Variants in CACNA1E observed in about 807,000 individuals in gnomAD.
The protein encoded by CACNA1E is voltage-dependent R-type calcium channel subunit alpha-1E.
A neutral mutation model predicts 259.2 loss-of-function variants in CACNA1E; 40 were observed. The ratio of observed to expected loss-of-function variants is 0.15; its 90% CI spans 0.12 to 0.20. CACNA1E has a LOEUF of 0.20. Ranked by LOEUF, CACNA1E falls within the 10% of genes least tolerant of loss-of-function variation. CACNA1E has a pLI of 1.00. For synonymous variants in CACNA1E, 1,104 were observed against 1,138.5 expected, an observed-to-expected ratio of 0.97 and a Z score of 0.61; for missense variants, 1,874 against 3,040.1, an observed-to-expected ratio of 0.62 and a Z score of 9.02.
At chr1:181,549,442 GAAGT>G (rs975655982) in intron 3 of CACNA1E, among the ~76,000 whole-genome samples, 5 of 152,212 alleles carry the variant, frequency 3.3e-5, no homozygotes, top group Non-Finnish European at 5.9e-5. Flanking sequence ...TTTGGAAAGA[GAAGT>G]AAGAGAATAG....
chr1:181,450,454 G>T (rs1377426702), intron 2 of CACNA1E, among the ~76,000 whole-genome samples: 1 of 152,028 alleles, frequency 6.6e-6, no homozygotes, highest in East Asian at 1.9e-4. Flanking sequence ...GTATGTGTGT[G>T]TGTGTGTTTG....
intron 2 of CACNA1E, among the ~76,000 whole-genome samples, chr1:181,448,124 G>A (rs1020639028): frequency 6.6e-6 from 1 of 152,228 alleles, no homozygotes; most frequent in Non-Finnish European, 1.5e-5. Context: ...AGGTTCTGGG[G>A]ATTATGATGT....
chr1:181,431,623 C>T (rs1027738091), intron 2 of CACNA1E, among the ~76,000 whole-genome samples: 1 of 152,184 alleles, frequency 6.6e-6, no homozygotes, highest in Non-Finnish European at 1.5e-5. Flanking sequence ...CTGCTCCAAG[C>T]CACAGGGAAA....
intron 22 of CACNA1E, among the ~76,000 whole-genome samples, chr1:181,737,128 A>G (rs1438417840): frequency 6.6e-6 from 1 of 152,206 alleles, no homozygotes; most frequent in East Asian, 1.9e-4. Flanking sequence ...GAATTTTAGA[A>G]TCAAGATCTC....
At chr1:181,795,654 A>T (rs1377113998) in intron 46 of CACNA1E, among the ~76,000 whole-genome samples, 1 of 151,374 alleles carries the variant, frequency 6.6e-6, no homozygotes, top group African/African-American at 2.4e-5. Flanking sequence ...GTTAGCCAGG[A>T]TGGTCTCAAT....
chr1:181,794,988 G>A lies in CACNA1E; in HGVS notation c.6152G>A (p.Arg2051His), dbSNP rs1661665681. 6.2e-7 allele frequency: 1 copy of A among 1,613,968 alleles called. No homozygotes were observed. Among genetic ancestry groups the A allele is most frequent in the African/African-American group, 1.3e-5 (1 of 75,034 alleles). ...RSSENTYKSR[R>H]RSYHSSLRLS... ...AGTGAAAATACCTACAAGTCCCGTCGCCGGAGTTACCACTCCTCCTTGCGG... is the reference window on the plus strand; with the variant it reads ...AGTGAAAATACCTACAAGTCCCGTCACCGGAGTTACCACTCCTCCTTGCGG... The change falls in exon 46 of 48, where the codon CGC becomes CAC. Residue 2051 changes from arginine (R) to histidine (H), a missense_variant. Transcript: ENST00000367573.
intron 6 of CACNA1E, among the ~76,000 whole-genome samples, chr1:181,650,625 T>C (rs753054426): frequency 6.6e-6 from 1 of 152,234 alleles, no homozygotes; most frequent in Non-Finnish European, 1.5e-5. Context: ...TCATGAGATA[T>C]AATTCTTCCT....
chr1:181,616,741 A>AC (rs1186884426), intron 6 of CACNA1E, among the ~76,000 whole-genome samples: 2 of 152,148 alleles, frequency 1.3e-5, no homozygotes, highest in Non-Finnish European at 1.5e-5. Context: ...AAACAAACAA[A>AC]AAAAAAGGAG....
At position 181,413,934 on chromosome 1, in the gene CACNA1E, T is replaced by G. The variant is rs144583953; in HGVS notation, c.434+354T>G. On this transcript the variant is annotated intron_variant, in intron 2 of 11. Coordinates refer to the CACNA1E transcript ENST00000524607. The stretch of plus-strand genomic sequence containing the variant: ...AAGCCAGGGAGAATCCTTCACAACG[T>G]GGATCATCTATTTCATCTTTACTTC... 3.9e-5 allele frequency among the ~76,000 whole-genome samples: 6 copies of G among 152,360 alleles called. No homozygotes were observed. In the East Asian group the frequency reaches 1.2e-3, roughly 29 times the overall value.
intron 25 of CACNA1E, among the ~76,000 whole-genome samples, chr1:181,746,890 A>G (rs995717987): frequency 1.6e-4 from 24 of 152,280 alleles, no homozygotes; most frequent in Admixed American, 3.9e-4. Context: ...ACTATTATTA[A>G]CCGCCTTAAC....
Position 181,400,726 on chromosome 1 carries a change from G to T in CACNA1E, c.-14-12407G>T, listed in dbSNP as rs531651539. Among the ~76,000 whole-genome samples the T allele has an allele frequency of 2.6e-3, 397 of 151,942 alleles. 3 individuals are homozygous for T. The highest frequency in any genetic ancestry group is 9.5e-3 in the African/African-American group (393 of 41,448). On this transcript the variant is annotated intron_variant, in intron 1 of 11. Transcript: ENST00000524607. ...TAGGGATAGGGAGTGGCCATCACGG[G>T]CTCTCTCTCTCTGCCTCTCCCCAGT...
At chr1:181,638,909 G>A (rs1357952814) in intron 6 of CACNA1E, among the ~76,000 whole-genome samples, 3 of 152,182 alleles carry the variant, frequency 2.0e-5, no homozygotes, top group Non-Finnish European at 4.4e-5. Context: ...TGAACTGTGA[G>A]TCAGTTAAAC....
chr1:181,617,277 G>T (rs1026674593), intron 6 of CACNA1E, among the ~76,000 whole-genome samples: 4 of 149,586 alleles, frequency 2.7e-5, no homozygotes, highest in Non-Finnish European at 5.9e-5. Flanking sequence ...TTTCTTATGA[G>T]CAGCATTTTT....
chr1:181,731,270 G>A (rs893131341), intron 19 of CACNA1E, 39 bp downstream of exon 19: 23 of 1,528,898 alleles, frequency 1.5e-5, no homozygotes, highest in East Asian at 9.0e-5. Flanking sequence ...GAGTGGTTAC[G>A]TGTGGGCGTG....
At chr1:181,441,859 A>G (rs1324841766) in intron 2 of CACNA1E, among the ~76,000 whole-genome samples, 3 of 152,212 alleles carry the variant, frequency 2.0e-5, no homozygotes, top group African/African-American at 7.2e-5. Context: ...AGTGGCTGGC[A>G]GTAAGAAAGC....
intron 3 of CACNA1E, among the ~76,000 whole-genome samples, chr1:181,544,693 T>C (rs1647266198): frequency 6.6e-6 from 1 of 152,250 alleles, no homozygotes; most frequent in African/African-American, 2.4e-5. Context: ...AATAAATGTT[T>C]ATTGTTGTTC....
chr1:181,385,545 A>T (rs1655782278), intron 1 of CACNA1E, among the ~76,000 whole-genome samples: 1 of 152,126 alleles, frequency 6.6e-6, no homozygotes, highest in Admixed American at 6.5e-5. Context: ...TGATGGGGAG[A>T]TGATTGTTCT....
At position 181,803,336 on chromosome 1, in the gene CACNA1E, A is replaced by T. The variant is rs1662410092; in HGVS notation, c.*4502A>T. 1 of 152,204 alleles carries T rather than the reference A, an allele frequency of 6.6e-6. No homozygotes were observed. The allele number at this position is 152,204 out of a possible 1,614,324, so 9.4% of individuals were successfully genotyped here. On this transcript the variant is annotated 3_prime_UTR_variant, in exon 48 of 48. Coordinates refer to ENST00000367573, the MANE Select transcript of CACNA1E (RefSeq NM_001205293.3). ...CAGGAATCAGGTTCAGGTTTGGATA[A>T]CTTCTCTTTAAAATATCTCCACATT... is the stretch of plus-strand genomic sequence containing the variant.
chr1:181,763,361 A>G, intron 33 of CACNA1E, 45 bp from the exon 34 acceptor site: 1 of 1,500,336 alleles, frequency 6.7e-7, no homozygotes, highest in Non-Finnish European at 9.0e-7. Context: ...ATTTTTCTAA[A>G]TCACCATAAT....
Sources: allele counts gnomAD v4.1 joint callset (sites outside exome capture counted in the v4.1 genomes callset), GRCh38; gene constraint gnomAD v4.1.1; transcripts MANE v1.5; gene names NCBI Gene and HGNC (gene_info 2026-07-23, HGNC 2026-07-21).